The following ARMC9 variants were observed in gnomAD, a reference collection of about 807,000 sequenced individuals.
The protein encoded by ARMC9 is lisH domain-containing protein ARMC9.
Under a neutral mutation model 107.0 loss-of-function variants are expected in ARMC9, and 94 were observed. The ratio of observed to expected loss-of-function variants is 0.88; its 90% CI spans 0.74 to 1.04. The LOEUF (loss-of-function observed/expected upper bound fraction) is 1.04, where lower values mean the gene tolerates loss of function less well. Ranked by LOEUF, ARMC9 falls within the 50% of genes least tolerant of loss-of-function variation. ARMC9 has a pLI of 0.00. For missense variants in ARMC9, 942 were observed against 1,030.1 expected, an observed-to-expected ratio of 0.91 and a Z score of 1.17; for synonymous variants, 380 against 396.9, an observed-to-expected ratio of 0.96 and a Z score of 0.51.
chr2:231,359,266 T>C (rs907644179), intron 22 of ARMC9, among the ~76,000 whole-genome samples: 1 of 152,048 alleles, frequency 6.6e-6, no homozygotes, highest in Non-Finnish European at 1.5e-5. Flanking sequence ...TTTGTATTTT[T>C]AGTAGAGACA....
intron 9 of ARMC9, among the ~76,000 whole-genome samples, chr2:231,244,507 G>A (rs904044328): frequency 6.6e-6 from 1 of 151,804 alleles, no homozygotes. Flanking sequence ...CTGGGACTAT[G>A]GGCCTGCACC....
intron 19 of ARMC9, among the ~76,000 whole-genome samples, chr2:231,309,943 C>T (rs2125509966): frequency 6.6e-6 from 1 of 152,156 alleles, no homozygotes; most frequent in Non-Finnish European, 1.5e-5. Context: ...TTCTGTGTGC[C>T]ATCCATGTTA....
rs61556705 is a variant in ARMC9, at chr2:231,372,699, G to GGTGTGTGTGTGTGTGT, written c.*1205_*1220dup. The GGTGTGTGTGTGTGTGT allele has an allele frequency of 2.1e-4, 27 of 127,768 alleles. 2 individuals are homozygous for GGTGTGTGTGTGTGTGT. In the East Asian group the frequency reaches 4.7e-3, roughly 22 times the overall value. The allele number at this position is 127,768 out of a possible 1,614,324, so 7.9% of individuals were successfully genotyped here. A position where few individuals can be genotyped will look rare whatever the true frequency, so the allele number is the denominator to read the frequency against. On this transcript the variant is annotated 3_prime_UTR_variant, in exon 25 of 25. Transcript: ENST00000611582. ...CAAATAAAACCCATCAGTATTTAGT[G>GGTGTGTGTGTGTGTGT]GTGTGTGTGTGTGTGTGTGTGTGTG...
chr2:231,260,022 A>G (rs144516587), intron 11 of ARMC9, among the ~76,000 whole-genome samples: 115 of 152,310 alleles, frequency 7.6e-4, no homozygotes, highest in African/African-American at 2.6e-3. Context: ...AACCCTGAAG[A>G]TTTGAAATAT....
intron 12 of ARMC9, among the ~76,000 whole-genome samples, chr2:231,268,343 C>A (rs574796471): frequency 6.6e-6 from 1 of 151,828 alleles, no homozygotes; most frequent in African/African-American, 2.4e-5. Context: ...AGATGCTATA[C>A]TTCAGCAAAA....
chr2:231,231,658 A>G (rs986868507), intron 7 of ARMC9, among the ~76,000 whole-genome samples: 1 of 151,640 alleles, frequency 6.6e-6, no homozygotes, highest in African/African-American at 2.4e-5. Context: ...TGCTGGGATT[A>G]TAGATGTGAG....
At chr2:231,301,966 A>C (rs2125494779) in intron 19 of ARMC9, among the ~76,000 whole-genome samples, 1 of 151,166 alleles carries the variant, frequency 6.6e-6, no homozygotes, top group Admixed American at 6.6e-5. Context: ...GCAGAGCAAG[A>C]CTCCATCTCA....
At chr2:231,345,710 T>C (rs185720783) in intron 21 of ARMC9, among the ~76,000 whole-genome samples, 143 of 152,324 alleles carry the variant, frequency 9.4e-4, no homozygotes, top group Non-Finnish European at 1.6e-3. Flanking sequence ...GGGTGGCCTC[T>C]CTTTTCCTGT....
intron 8 of ARMC9, among the ~76,000 whole-genome samples, chr2:231,239,595 C>T (rs1432529125): frequency 1.3e-5 from 2 of 152,202 alleles, no homozygotes; most frequent in Non-Finnish European, 2.9e-5. Flanking sequence ...CTTTCCCCCA[C>T]ATTATGGTTG....
chr2:231,312,071 G>T (rs2042384597), intron 19 of ARMC9, among the ~76,000 whole-genome samples: 1 of 152,090 alleles, frequency 6.6e-6, no homozygotes, highest in Admixed American at 6.5e-5. Flanking sequence ...AATCTTAGTG[G>T]CTTAAAAAAC....
intron 7 of ARMC9, among the ~76,000 whole-genome samples, chr2:231,234,586 A>T (rs567782526): frequency 6.6e-6 from 1 of 152,284 alleles, no homozygotes; most frequent in African/African-American, 2.4e-5. Context: ...TTATGAGCTC[A>T]GTATAGAATA....
At position 231,276,673 on chromosome 2, in the gene ARMC9, A is replaced by G. The variant is rs772545552; in HGVS notation, c.1372A>G (p.Ile458Val). 2 of 1,614,108 alleles carry G rather than the reference A, an allele frequency of 1.2e-6. No homozygotes were observed. The highest frequency in any genetic ancestry group is 1.7e-6 in the Non-Finnish European group (2 of 1,180,014). The change falls in exon 15 of 25, where the codon ATC becomes GTC. Residue 458 changes from isoleucine to valine, a missense_variant. Physicochemically the swap from Ile to Val is conservative, Grantham distance 29 (BLOSUM62 3). Coordinates refer to ENST00000611582, the MANE Select transcript of ARMC9 (RefSeq NM_001352754.2). ...LQTAMIQDGL[I>V]FWLVDVLKDP... is the part of the protein sequence containing the mutation. ...GACAGCGATGATTCAAGACGGCCTC[A>G]TCTTCTGGCTGGTTGATGTTCTGAA...
At chr2:231,202,875 A>G (rs2031293218) in intron 1 of ARMC9, among the ~76,000 whole-genome samples, 1 of 152,110 alleles carries the variant, frequency 6.6e-6, no homozygotes, top group Non-Finnish European at 1.5e-5. Flanking sequence ...TGTTCCCTTC[A>G]GGTGCACTAA....
chr2:231,327,552 T>C (rs912811564), intron 19 of ARMC9, among the ~76,000 whole-genome samples: 6 of 152,348 alleles, frequency 3.9e-5, no homozygotes. Flanking sequence ...GGTGTGTATG[T>C]ACCACATTTG....
In ARMC9 at chr2:231,250,426, A is replaced by G. The variant is rs542028747; in HGVS notation, c.880-6160A>G. 3.3e-5 allele frequency among the ~76,000 whole-genome samples: 5 copies of G among 152,324 alleles called. No individual in the cohort carries two copies. In the East Asian group the frequency reaches 5.8e-4, roughly 18 times the overall value. The stretch of plus-strand genomic sequence containing the variant: ...CTCCAGACATTGCCACATATCCCCT[A>G]TGGGCAAAACCACTCCCAGCTGAGA... On this transcript the variant is annotated intron_variant, in intron 9 of 24. Transcript: ENST00000611582.
chr2:231,231,093 T>A (rs1037157470), intron 7 of ARMC9, among the ~76,000 whole-genome samples: 9 of 152,344 alleles, frequency 5.9e-5, no homozygotes, highest in African/African-American at 2.2e-4. Context: ...TAATCTCTTA[T>A]GTTTAGTAAA....
intron 3 of ARMC9, among the ~76,000 whole-genome samples, chr2:231,208,672 A>T (rs950971794): frequency 3.3e-5 from 5 of 152,184 alleles, no homozygotes; most frequent in African/African-American, 1.2e-4. Flanking sequence ...TGAGACTGAC[A>T]AGGCGGGTCT....
At chr2:231,288,889 A>G (rs2040798999) in intron 17 of ARMC9, among the ~76,000 whole-genome samples, 1 of 152,236 alleles carries the variant, frequency 6.6e-6, no homozygotes, top group Non-Finnish European at 1.5e-5. Context: ...ATATACAAAC[A>G]CAGGCTTCTC....
chr2:231,263,504 C>T (rs966887133), intron 12 of ARMC9, among the ~76,000 whole-genome samples: 3 of 152,276 alleles, frequency 2.0e-5, no homozygotes, highest in East Asian at 3.9e-4. Flanking sequence ...TAACCCACTC[C>T]GGCAATAATG....
Sources: gnomAD v4.1 joint callset for allele counts (sites outside exome capture counted in the v4.1 genomes callset) on GRCh38, gnomAD v4.1.1 for gene constraint, MANE v1.5 for transcripts, NCBI Gene and HGNC (gene_info 2026-07-23, HGNC 2026-07-21) for gene names.